WNT5A: variants seen among roughly 807,000 people sequenced by gnomAD.
WNT5A encodes Wnt family member 5A.
Under a neutral mutation model 42.1 loss-of-function variants are expected in WNT5A, and 9 were observed. The ratio of observed to expected loss-of-function variants is 0.21; its 90% confidence interval spans 0.13 to 0.37. The LOEUF (loss-of-function observed/expected upper bound fraction) is 0.37. Ranked by LOEUF, WNT5A falls within the 10% of genes least tolerant of loss-of-function variation. WNT5A has a pLI of 1.00. For missense variants in WNT5A, 426 were observed against 534.0 expected (o/e 0.80, Z 1.99); for synonymous variants, 210 against 210.0 (o/e 1.00, Z 0.00).
Position 55,470,142 on chromosome 3 carries a change from C to T in WNT5A, c.1093G>A (p.Val365Ile), listed in dbSNP as rs1410287718. 3.1e-6 allele frequency: 5 copies of T among 1,614,166 alleles called. No homozygotes were observed. The highest frequency in any genetic ancestry group is 1.3e-5 in the African/African-American group (1 of 75,076). ...ATCTCCGTGCACTTCTTGCACTTGA[C>T]GTAGCAGCACCAGTGGAACTTGCAG... Reference protein sequence around the residue: ...CHCKFHWCCYVKCKKCTEIVD... With the variant: ...CHCKFHWCCYIKCKKCTEIVD... Residue 365 changes from valine (V) to isoleucine (I), a missense_variant, in exon 5 of 5, where the codon GTC becomes ATC. Coordinates refer to ENST00000264634, the MANE Select transcript of WNT5A (RefSeq NM_003392.7).
chr3:55,475,122 A>C (rs1005033600), intron 3 of WNT5A, among the ~76,000 whole-genome samples: 2 of 152,188 alleles, frequency 1.3e-5, no homozygotes, highest in Non-Finnish European at 2.9e-5. Flanking sequence ...TGCAGGCCAG[A>C]TTCTAAGCAG....
chr3:55,477,941 G>A (rs1304446748), intron 3 of WNT5A, among the ~76,000 whole-genome samples: 4 of 152,138 alleles, frequency 2.6e-5, no homozygotes, highest in Non-Finnish European at 5.9e-5. Context: ...GAAGAAGGGG[G>A]AAAAGTTACC....
intron 4 of WNT5A, among the ~76,000 whole-genome samples, chr3:55,473,461 G>A (rs141867464): frequency 1.1e-4 from 16 of 152,072 alleles, no homozygotes; most frequent in East Asian, 3.9e-4. Flanking sequence ...GTGTTTAACC[G>A]CAGGAAAAAA....
At chr3:55,482,245 G>C (rs555167265) in intron 1 of WNT5A, among the ~76,000 whole-genome samples, 2 of 152,230 alleles carry the variant, frequency 1.3e-5, no homozygotes, top group Non-Finnish European at 2.9e-5. Flanking sequence ...AATTTCAGGG[G>C]TAGGAGTTGG....
chr3:55,496,933 A>G, the WNT5A span, among the ~76,000 whole-genome samples: 1 of 152,252 alleles, frequency 6.6e-6, no homozygotes, highest in Non-Finnish European at 1.5e-5. Context: ...CTGATACGCT[A>G]TGCATTCATT....
upstream of WNT5A, among the ~76,000 whole-genome samples, chr3:55,492,989 A>G (rs1004074245): frequency 3.9e-5 from 6 of 152,200 alleles, no homozygotes; most frequent in East Asian, 5.8e-4. Context: ...GCTCAGCTCA[A>G]TGGAACTGTC....
the WNT5A span, among the ~76,000 whole-genome samples, chr3:55,504,470 CCTT>C: frequency 7.2e-6 from 1 of 139,022 alleles, no homozygotes; most frequent in African/African-American, 2.5e-5. Context: ...AGGGTAAACC[CCTT>C]TTTTTTTTTT....
intron 1 of WNT5A, among the ~76,000 whole-genome samples, chr3:55,481,838 G>A (rs1454730539): frequency 6.6e-6 from 1 of 152,204 alleles, no homozygotes; most frequent in Non-Finnish European, 1.5e-5. Flanking sequence ...CTTCCCCGGG[G>A]AGAAGATCCC....
At chr3:55,482,464 C>A (rs1429397736) in intron 1 of WNT5A, among the ~76,000 whole-genome samples, 2 of 152,166 alleles carry the variant, frequency 1.3e-5, no homozygotes, top group Admixed American at 6.5e-5. Flanking sequence ...CTCTTTAAGG[C>A]GGTGGAAGAG....
chr3:55,498,576 C>T, the WNT5A span, among the ~76,000 whole-genome samples: 1 of 152,184 alleles, frequency 6.6e-6, no homozygotes, highest in Non-Finnish European at 1.5e-5. Flanking sequence ...GAACACCTGT[C>T]CAGCATCAAT....
At position 55,466,974 on chromosome 3, in the gene WNT5A, G is replaced by C. The variant is rs669889; in HGVS notation, c.*3118C>G. On this transcript the variant is annotated 3_prime_UTR_variant, in exon 5 of 5. Coordinates refer to ENST00000264634, the MANE Select transcript of WNT5A (RefSeq NM_003392.7). ...GCAAAGGCTAATGTATCAATCTGTG[G>C]AGCACTGTCCAGATTTCCGTGTACA... 0.76 allele frequency: 115,735 copies of C among 152,200 alleles called. 44,178 individuals carry two copies. Among genetic ancestry groups the C allele is most frequent in the East Asian group, 0.85 (4,388 of 5,176 alleles). The allele number at this position is 152,200 out of a possible 1,614,324, so 9.4% of individuals were successfully genotyped here.
the WNT5A span, among the ~76,000 whole-genome samples, chr3:55,504,054 T>G: frequency 6.6e-6 from 1 of 152,082 alleles, no homozygotes; most frequent in Non-Finnish European, 1.5e-5. Context: ...GGTGGATCAC[T>G]TGAGGTCAGG....
intron 3 of WNT5A, 76 bp from the exon 4 acceptor site, chr3:55,474,705 G>C: frequency 8.3e-7 from 1 of 1,206,200 alleles, no homozygotes; most frequent in Non-Finnish European, 1.1e-6. Context: ...GTGGGGGTGG[G>C]GGCAAGGTAG....
At position 55,480,888 on chromosome 3, in the gene WNT5A, C is replaced by G. The variant is rs1400348463; in HGVS notation, c.37G>C (p.Ala13Pro). The change falls in exon 2 of 5, where the codon GCT (alanine) becomes CCT (proline). Residue 13 changes from alanine (A) to proline (P), a missense_variant. This residue lies in a region of WNT5A where 62 missense variants were observed against 49.0 expected (regional missense o/e 1.26). Transcript: ENST00000264634. Reference protein sequence around the residue: ...KSIGILSPGVALGMAGSAMSS... With the variant: ...KSIGILSPGVPLGMAGSAMSS... ...ATTGCACTTCCAGCCATCCCCAAAG[C>G]AACTCCTGGGCTTAATATTCCAATG... 1.3e-6 allele frequency: 2 copies of G among 1,588,276 alleles called. No homozygotes were observed. The highest frequency in any genetic ancestry group is 8.6e-7 in the Non-Finnish European group (1 of 1,166,524).
At chr3:55,486,669 A>C (rs1399998483) in intron 1 of WNT5A, among the ~76,000 whole-genome samples, 1 of 152,260 alleles carries the variant, frequency 6.6e-6, no homozygotes, top group Non-Finnish European at 1.5e-5. Context: ...CGATGTTCTC[A>C]GAGCAAAAGG....
At chr3:55,495,383 G>A (rs1382796509), upstream of WNT5A, among the ~76,000 whole-genome samples, 1 of 152,058 alleles carries the variant, frequency 6.6e-6, no homozygotes, top group Admixed American at 6.6e-5. Context: ...TTCTACTCTT[G>A]GCTTCTGTAA....
chr3:55,491,586 A>G (rs1003266870), upstream of WNT5A, among the ~76,000 whole-genome samples: 1 of 152,256 alleles, frequency 6.6e-6, no homozygotes, highest in Non-Finnish European at 1.5e-5. Context: ...AGCAGGGGAA[A>G]GCAGGGCCTG....
At position 55,468,870 on chromosome 3, in the gene WNT5A, T is replaced by C. The variant is rs185513990; in HGVS notation, c.*1222A>G. 22 of 152,640 alleles carry C rather than the reference T, an allele frequency of 1.4e-4. No homozygotes were observed. Among genetic ancestry groups the C allele is most frequent in the Admixed American group, 1.4e-3 (21 of 15,296 alleles). 9.5% of individuals were successfully genotyped at this position (152,640 alleles called of 1,614,324 possible). A position where few individuals can be genotyped will look rare whatever the true frequency, so the allele number is the denominator to read the frequency against. On this transcript the variant is annotated 3_prime_UTR_variant, in exon 5 of 5. Transcript: ENST00000264634. The stretch of plus-strand genomic sequence containing the variant: ...GAATTCCATTAGCCAAGTTCTGTCA[T>C]TAAAACATAGAAAACTACTGCTCCT...
At chr3:55,486,277 C>A (rs2051576352) in intron 1 of WNT5A, among the ~76,000 whole-genome samples, 1 of 152,226 alleles carries the variant, frequency 6.6e-6, no homozygotes, top group Non-Finnish European at 1.5e-5. Flanking sequence ...TCCCCGCCCC[C>A]ACCACTGCTG....
Sources: allele counts gnomAD v4.1 joint callset (sites outside exome capture counted in the v4.1 genomes callset), GRCh38; gene constraint gnomAD v4.1.1; regional missense constraint gnomAD v4.1.1; transcripts MANE v1.5; gene names NCBI Gene and HGNC (gene_info 2026-07-23, HGNC 2026-07-21).